ACP7: variants seen among roughly 807,000 people sequenced by gnomAD.
ACP7 encodes the protein acid phosphatase 7, tartrate resistant (putative), also known as acid phosphatase type 7.
In ACP7, 58 loss-of-function variants were observed where a neutral mutation model predicts 60.6. The observed-to-expected ratio is 0.96, with a 90% CI of 0.77 to 1.19. The LOEUF is 1.19. Ranked by LOEUF, ACP7 falls within the 50% of genes most tolerant of loss-of-function variation. ACP7 has a pLI of 0.00. For synonymous variants in ACP7, 237 were observed against 232.6 expected, an observed-to-expected ratio of 1.02 and a Z score of -0.17; for missense variants, 574 against 596.2, an observed-to-expected ratio of 0.96 and a Z score of 0.39.
At chr19:39,102,381 C>CTT (rs36113504) in intron 11 of ACP7, among the ~76,000 whole-genome samples, 4,658 of 147,058 alleles carry the variant, frequency 0.032, 158 homozygotes, top group Admixed American at 0.099. Context: ...TGTCATGTTT[C>CTT]TTTTTTTTTT....
intron 3 of ACP7, 37 bp downstream of exon 3, chr19:39,098,695 T>C (rs199685626): frequency 7.0e-6 from 11 of 1,565,024 alleles, no homozygotes; most frequent in East Asian, 2.3e-5. Context: ...TGAGGAGGAG[T>C]GGGAAGAGGA....
At chr19:39,089,666 T>G (rs1216401039) in intron 2 of ACP7, among the ~76,000 whole-genome samples, 1 of 152,226 alleles carries the variant, frequency 6.6e-6, no homozygotes, top group African/African-American at 2.4e-5. Flanking sequence ...ATCTATTAGT[T>G]TCTCAGTCTT....
At chr19:39,084,991 C>T (rs1170658902) in intron 1 of ACP7, 101 bp from the exon 2 acceptor site, 2 of 344,376 alleles carry the variant, frequency 5.8e-6, no homozygotes, top group South Asian at 7.5e-5. Flanking sequence ...GTGAGGCTTC[C>T]GTGAATTAAT....
Position 39,107,013 on chromosome 19 carries a change from G to A in ACP7, c.1180G>A (p.Glu394Lys). 1.2e-6 allele frequency: 2 copies of A among 1,614,142 alleles called. No individual in the cohort carries two copies. Among genetic ancestry groups the A allele is most frequent in the Non-Finnish European group, 1.7e-6 (2 of 1,180,032 alleles). The change falls in exon 12 of 13, where the codon GAG becomes AAG. Residue 394 changes from glutamate (E) to lysine (K), a missense_variant. Transcript: ENST00000331256. ...GCCCTGGAGTGCCGTGCGTGTGAAG[G>A]AGTACGGGTATACGCGGCTGCACAT... ...PRPWSAVRVK[E>K]YGYTRLHILN... is the part of the protein sequence containing the mutation.
At chr19:39,099,180 G>T (rs2073310416) in intron 4 of ACP7, 38 bp downstream of exon 4, 1 of 1,480,152 alleles carries the variant, frequency 6.8e-7, no homozygotes, top group South Asian at 1.4e-5. Flanking sequence ...GGACGGTGGG[G>T]GGCGCGCGCA....
Position 39,100,965 on chromosome 19 carries a change from G to A in ACP7, c.824G>A (p.Arg275Gln), listed in dbSNP as rs750403954. The A allele has an allele frequency of 2.1e-5, 32 of 1,551,456 alleles. No homozygotes were observed. In the East Asian group the frequency reaches 3.0e-4, roughly 14 times the overall value. The change falls in exon 8 of 13, where the codon CGG becomes CAG. Residue 275 changes from arginine to glutamine, a missense_variant. By Grantham distance (43) the Arg-to-Gln change is conservative. Coordinates refer to ENST00000331256, the MANE Select transcript of ACP7 (RefSeq NM_001004318.3). ...ESDLQKANKN[R>Q]AARPWIITMG... Reference sequence around the variant, plus strand: ...TCTCCCTAGAAAGCCAATAAGAACCGGGCAGCCCGGCCGTGGATCATCACT... The same window carrying A: ...TCTCCCTAGAAAGCCAATAAGAACCAGGCAGCCCGGCCGTGGATCATCACT...
At chr19:39,098,307 CG>C (rs911442945) in intron 2 of ACP7, 150 bp from the exon 3 acceptor site, 11 of 410,242 alleles carry the variant, frequency 2.7e-5, no homozygotes, top group South Asian at 9.1e-5. Context: ...AAAGAAATGG[CG>C]GGGCTGGGAT....
At chr19:39,105,687 A>G (rs1482146403) in intron 11 of ACP7, among the ~76,000 whole-genome samples, 1 of 151,730 alleles carries the variant, frequency 6.6e-6, no homozygotes, top group Non-Finnish European at 1.5e-5. Flanking sequence ...CGCCCAGCTA[A>G]TTTTTGTATT....
Position 39,111,026 on chromosome 19 carries a change from GA to G in ACP7, c.*909del, listed in dbSNP as rs1020644961. The G allele has an allele frequency of 6.6e-6, 1 of 152,178 alleles. No homozygotes were observed. The highest frequency in any genetic ancestry group is 2.4e-5 in the African/African-American group (1 of 41,426). The allele number at this position is 152,178 out of a possible 1,614,324, so 9.4% of individuals were successfully genotyped here. On this transcript the variant is annotated 3_prime_UTR_variant, in exon 13 of 13. Transcript: ENST00000331256. Reference sequence around the variant, plus strand: ...AGAGAGCAGTTTCAATTTTCAGGGGGATCTCACTGAGAGGGCAACATTTGAT... The same window carrying G: ...AGAGAGCAGTTTCAATTTTCAGGGGGTCTCACTGAGAGGGCAACATTTGAT...
chr19:39,100,697 G>T, intron 6 of ACP7, 42 bp from the exon 7 acceptor site: 1 of 1,612,848 alleles, frequency 6.2e-7, no homozygotes, highest in Non-Finnish European at 8.5e-7. Flanking sequence ...GGGAGATGCA[G>T]GGGAGCCCTG....
intron 2 of ACP7, among the ~76,000 whole-genome samples, chr19:39,098,087 C>CT (rs1343469453): frequency 6.6e-6 from 1 of 151,526 alleles, no homozygotes; most frequent in Non-Finnish European, 1.5e-5. Flanking sequence ...TACATCTCTA[C>CT]TAAAAATGCA....
chr19:39,094,433 G>A (rs540582745), intron 2 of ACP7, among the ~76,000 whole-genome samples: 2 of 151,938 alleles, frequency 1.3e-5, no homozygotes, highest in East Asian at 3.9e-4. Context: ...AACCCAGGAG[G>A]TGGAGGTTGC....
intron 2 of ACP7, among the ~76,000 whole-genome samples, chr19:39,094,244 G>A (rs1219007561): frequency 1.3e-5 from 2 of 152,124 alleles, no homozygotes; most frequent in Admixed American, 6.6e-5. Flanking sequence ...CTCACCCAAA[G>A]TGCTGATCCC....
At chr19:39,100,142 G>A (rs2073321910) in intron 4 of ACP7, 85 bp from the exon 5 acceptor site, 3 of 1,553,770 alleles carry the variant, frequency 1.9e-6, no homozygotes, top group Non-Finnish European at 2.6e-6. Flanking sequence ...ATTAACAGGT[G>A]TGAGTCACCA....
intron 2 of ACP7, among the ~76,000 whole-genome samples, chr19:39,094,682 C>G (rs2073246694): frequency 6.6e-6 from 1 of 151,858 alleles, no homozygotes; most frequent in Admixed American, 6.6e-5. Flanking sequence ...TAAAAATCAA[C>G]TGGGCATGCT....
intron 11 of ACP7, among the ~76,000 whole-genome samples, chr19:39,103,175 C>G (rs574651093): frequency 6.6e-6 from 1 of 152,278 alleles, no homozygotes; most frequent in East Asian, 1.9e-4. Context: ...CTGTCGCCCT[C>G]ACTCTTCCAA....
At chr19:39,107,277 G>A (rs961987434) in intron 12 of ACP7, among the ~76,000 whole-genome samples, 193 bp downstream of exon 12, 1 of 151,794 alleles carries the variant, frequency 6.6e-6, no homozygotes, top group Non-Finnish European at 1.5e-5. Context: ...GTGAGACCTA[G>A]TCTCTACAAA....
At chr19:39,091,965 T>G (rs1183395523) in intron 2 of ACP7, among the ~76,000 whole-genome samples, 1 of 152,130 alleles carries the variant, frequency 6.6e-6, no homozygotes, top group African/African-American at 2.4e-5. Flanking sequence ...CTGATATCCC[T>G]GATTTCAGCC....
intron 1 of ACP7, 37 bp downstream of exon 1, chr19:39,084,437 A>G (rs1268431715): frequency 6.7e-6 from 1 of 150,162 alleles, no homozygotes; most frequent in Non-Finnish European, 1.5e-5. Context: ...CCTTTCCCGG[A>G]TGGTCCCGAC....
Sources: allele counts gnomAD v4.1 joint callset (sites outside exome capture counted in the v4.1 genomes callset), GRCh38; gene constraint gnomAD v4.1.1; transcripts MANE v1.5; gene names NCBI Gene and HGNC (gene_info 2026-07-23, HGNC 2026-07-21).